ABCD2: variants seen among roughly 807,000 people sequenced by gnomAD.
ABCD2 encodes the protein ATP-binding cassette sub-family D member 2.
Under a neutral mutation model 70.9 loss-of-function variants are expected in ABCD2, and 36 were observed. The observed-to-expected ratio is 0.51, with a 90% CI of 0.39 to 0.67. ABCD2 has a LOEUF of 0.67. Among genes scored for constraint, ABCD2 ranks in the 30% least tolerant of loss-of-function variants. The pLI is 0.00. For missense variants in ABCD2, 729 were observed against 890.2 expected (o/e 0.82, Z 2.30); for synonymous variants, 304 against 306.9 (o/e 0.99, Z 0.10).
At chr12:39,589,902 A>G (rs1292137607) in intron 6 of ABCD2, among the ~76,000 whole-genome samples, 1 of 152,182 alleles carries the variant, frequency 6.6e-6, no homozygotes, top group Non-Finnish European at 1.5e-5. Context: ...TACATTCTAT[A>G]TATGTTTGAT....
In ABCD2 at chr12:39,550,061, A is replaced by G. The variant is rs1422489434; in HGVS notation, c.*3851T>C. The G allele has an allele frequency of 1.3e-5, 2 of 151,772 alleles. No individual in the cohort carries two copies. Among genetic ancestry groups the G allele is most frequent in the African/African-American group, 4.8e-5 (2 of 41,420 alleles). The allele number at this position is 151,772 out of a possible 1,614,324, so 9.4% of individuals were successfully genotyped here. A position where few individuals can be genotyped will look rare whatever the true frequency, so the allele number is the denominator to read the frequency against. ...GGACAGGGACCAAATTTTATTTAGT[A>G]ATAGAACTTAGCACAGTGCCTGGCA... On this transcript the variant is annotated 3_prime_UTR_variant, in exon 10 of 10. Transcript: ENST00000308666.
intron 7 of ABCD2, among the ~76,000 whole-genome samples, chr12:39,580,122 G>A (rs1185199462): frequency 6.6e-6 from 1 of 152,132 alleles, no homozygotes; most frequent in Non-Finnish European, 1.5e-5. Flanking sequence ...GTAGTTCATG[G>A]AGTAATCGAC....
chr12:39,554,254 G>T, intron 9 of ABCD2, 123 bp from the exon 10 acceptor site: 2 of 908,208 alleles, frequency 2.2e-6, no homozygotes, highest in Non-Finnish European at 3.2e-6. Flanking sequence ...TTACATTTGA[G>T]TTTTAAGGAC....
chr12:39,535,617 A>AT, the ABCD2 span, among the ~76,000 whole-genome samples: 4 of 152,104 alleles, frequency 2.6e-5, no homozygotes, highest in East Asian at 1.9e-4. Flanking sequence ...TCTTAGATAA[A>AT]TTTTTTTTGC....
intron 7 of ABCD2, among the ~76,000 whole-genome samples, chr12:39,583,005 G>C (rs1941617414): frequency 6.6e-6 from 1 of 152,000 alleles, no homozygotes. Context: ...GACTACAGGG[G>C]TGTGCCACCA....
At chr12:39,532,863 T>C in the ABCD2 span, among the ~76,000 whole-genome samples, 2 of 152,026 alleles carry the variant, frequency 1.3e-5, no homozygotes, top group South Asian at 4.1e-4. Context: ...CATGTTGGTA[T>C]GAAAATAGAA....
At chr12:39,609,890 A>T (rs960567386) in intron 2 of ABCD2, among the ~76,000 whole-genome samples, 3 of 152,210 alleles carry the variant, frequency 2.0e-5, no homozygotes, top group African/African-American at 7.2e-5. Flanking sequence ...AAGATACAGG[A>T]AAAAATATGA....
intron 2 of ABCD2, among the ~76,000 whole-genome samples, chr12:39,612,863 T>A (rs1269653244): frequency 6.6e-6 from 1 of 152,244 alleles, no homozygotes; most frequent in African/African-American, 2.4e-5. Context: ...CCCATGCTAC[T>A]GGAGTGCATG....
intron 9 of ABCD2, among the ~76,000 whole-genome samples, chr12:39,567,062 A>G (rs1941361636): frequency 6.6e-6 from 1 of 152,134 alleles, no homozygotes; most frequent in South Asian, 2.1e-4. Flanking sequence ...TATGTGGTCA[A>G]TTTTGGAATA....
intron 2 of ABCD2, among the ~76,000 whole-genome samples, chr12:39,612,640 A>T (rs573524762): frequency 6.6e-5 from 10 of 152,330 alleles, no homozygotes; most frequent in Middle Eastern, 3.4e-3. Context: ...ACTTTTATGC[A>T]TACCTAATTA....
chr12:39,607,742 TGAG>T, intron 2 of ABCD2, 28 bp from the exon 3 acceptor site: 3 of 1,363,254 alleles, frequency 2.2e-6, no homozygotes, highest in Non-Finnish European at 3.1e-6. Flanking sequence ...TTACAAAACT[TGAG>T]TTTTTTTTTT....
intron 8 of ABCD2, among the ~76,000 whole-genome samples, chr12:39,577,350 C>T (rs1308790697): frequency 1.3e-5 from 2 of 152,026 alleles, no homozygotes; most frequent in African/African-American, 4.8e-5. Context: ...GCTCTAATTT[C>T]CAGTTTACAG....
At chr12:39,578,318 C>A (rs954366559) in intron 8 of ABCD2, among the ~76,000 whole-genome samples, 26 of 151,826 alleles carry the variant, frequency 1.7e-4, no homozygotes, top group African/African-American at 6.0e-4. Flanking sequence ...ACTAAAAATA[C>A]AAAAAATTAG....
At chr12:39,609,003 CTTCT>C (rs1364592120) in intron 2 of ABCD2, among the ~76,000 whole-genome samples, 2 of 152,148 alleles carry the variant, frequency 1.3e-5, no homozygotes, top group South Asian at 2.1e-4. Context: ...ACTTTTTCTC[CTTCT>C]TTAAGAGTTA....
intron 6 of ABCD2, among the ~76,000 whole-genome samples, chr12:39,596,797 T>C (rs549081246): frequency 3.3e-5 from 5 of 152,152 alleles, no homozygotes; most frequent in Non-Finnish European, 7.3e-5. Context: ...ACATGATGGG[T>C]TGGTGCCCAG....
chr12:39,604,956 TAG>T (rs1201335440), intron 3 of ABCD2, 26 bp from the exon 4 acceptor site: 5 of 1,524,422 alleles, frequency 3.3e-6, no homozygotes, highest in African/African-American at 2.8e-5. Flanking sequence ...AGATATAAAA[TAG>T]AGTTACTATA....
Position 39,553,792 on chromosome 12 carries a change from T to TGTCTTG in ABCD2, c.*119_*120insCAAGAC. 1 of 732,226 alleles carries TGTCTTG rather than the reference T, an allele frequency of 1.4e-6. No homozygotes were observed. 45.4% of individuals were successfully genotyped at this position (732,226 alleles called of 1,614,324 possible). Reference sequence around the variant, plus strand: ...ATATACTTCCTTAATGCTAAAATCTTATAAAACATGTCTTGCTGCCTTTTT... The same window carrying TGTCTTG: ...ATATACTTCCTTAATGCTAAAATCTTGTCTTGATAAAACATGTCTTGCTGCCTTTTT... On this transcript the variant is annotated 3_prime_UTR_variant, in exon 10 of 10. Transcript: ENST00000308666.
At chr12:39,563,647 T>G (rs1488302551) in intron 9 of ABCD2, among the ~76,000 whole-genome samples, 1 of 152,118 alleles carries the variant, frequency 6.6e-6, no homozygotes, top group Non-Finnish European at 1.5e-5. Context: ...TAATTATACT[T>G]TAAGTTTTAG....
At chr12:39,589,585 T>C (rs1286080116) in intron 6 of ABCD2, among the ~76,000 whole-genome samples, 2 of 151,994 alleles carry the variant, frequency 1.3e-5, no homozygotes, top group South Asian at 2.1e-4. Flanking sequence ...GACGGGGTTT[T>C]ACCGTGTTAG....
Sources: allele counts gnomAD v4.1 joint callset (sites outside exome capture counted in the v4.1 genomes callset), GRCh38; gene constraint gnomAD v4.1.1; transcripts MANE v1.5; gene names NCBI Gene and HGNC (gene_info 2026-07-23, HGNC 2026-07-21).